Variants in AKR7A3 observed in about 807,000 individuals in gnomAD.
AKR7A3 encodes AFB1 aldehyde reductase 2.
AKR7A3 carries 37 observed loss-of-function variants against 32.5 expected under a neutral mutation model. The ratio of observed to expected loss-of-function variants is 1.14; its 90% CI spans 0.88 to 1.50. The LOEUF (loss-of-function observed/expected upper bound fraction) is 1.50. AKR7A3 is among the 40% of genes most tolerant of loss of function. The pLI, the probability that AKR7A3 is intolerant of heterozygous loss-of-function variation, is 0.00. For missense variants in AKR7A3, 412 were observed against 453.2 expected (o/e 0.91, Z 0.83); for synonymous variants, 177 against 188.4 (o/e 0.94, Z 0.50).
intron 6 of AKR7A3, 72 bp downstream of exon 6, chr1:19,283,924 T>C: frequency 6.2e-7 from 1 of 1,600,372 alleles, no homozygotes; most frequent in Non-Finnish European, 8.5e-7. Flanking sequence ...AACAAATGTT[T>C]CAGCCTTCAT....
chr1:19,274,926 C>T, the AKR7A3 span, among the ~76,000 whole-genome samples: 1 of 29,314 alleles, frequency 3.4e-5, no homozygotes, highest in Non-Finnish European at 7.4e-5. Flanking sequence ...GACCAATAGA[C>T]AGATGGAACA....
chr1:19,274,353 C>A, the AKR7A3 span, among the ~76,000 whole-genome samples: 2 of 151,856 alleles, frequency 1.3e-5, no homozygotes, highest in Admixed American at 6.5e-5. Context: ...TCCTCAAGTC[C>A]GCAAGGGTGA....
intron 5 of AKR7A3, 50 bp from the exon 6 acceptor site, chr1:19,284,175 C>G: frequency 6.4e-7 from 1 of 1,571,656 alleles, no homozygotes; most frequent in East Asian, 2.2e-5. Flanking sequence ...TTGGGAGCCA[C>G]AACCAAAGAG....
the AKR7A3 span, among the ~76,000 whole-genome samples, chr1:19,274,436 C>A: frequency 6.6e-6 from 1 of 151,866 alleles, no homozygotes; most frequent in Non-Finnish European, 1.5e-5. Flanking sequence ...ATCCCTCGGC[C>A]TCGCCCGCCC....
downstream of AKR7A3, among the ~76,000 whole-genome samples, chr1:19,280,668 T>G (rs2093717413): frequency 6.6e-6 from 1 of 151,590 alleles, no homozygotes. Flanking sequence ...CCTCCTGGGT[T>G]CACACCATTC....
At chr1:19,288,420 G>A in intron 1 of AKR7A3, 76 bp downstream of exon 1, 1 of 1,517,284 alleles carries the variant, frequency 6.6e-7, no homozygotes. Context: ...CGGGGCCAGG[G>A]AGAGCGGGGC....
downstream of AKR7A3, among the ~76,000 whole-genome samples, chr1:19,280,317 C>T (rs1391473753): frequency 1.3e-5 from 2 of 151,400 alleles, no homozygotes; most frequent in Admixed American, 6.6e-5. Context: ...AATTTTGGCT[C>T]GCTGCAACCT....
rs1404174359 is a variant in AKR7A3, at chr1:19,285,973, C to A, written c.422G>T (p.Gly141Val). 3.1e-6 allele frequency: 5 copies of A among 1,613,558 alleles called. No homozygotes were observed. Among genetic ancestry groups the A allele is most frequent in the Non-Finnish European group, 1.7e-6 (2 of 1,179,936 alleles). ...LHQEGKFVEL[G>V]LSNYAAWEVA... is the part of the protein sequence containing the mutation. ...TTCCCAGGCTGCATAGTTGGAGAGG[C>A]CAAGCTCCACGAACTTGCCCTGCTC... The change falls in exon 3 of 7, where the codon GGC becomes GTC. Residue 141 changes from glycine (G) to valine (V), a missense_variant. Coordinates refer to ENST00000361640, the MANE Select transcript of AKR7A3 (RefSeq NM_012067.3).
At chr1:19,286,802 G>C (rs1309699940) in intron 1 of AKR7A3, among the ~76,000 whole-genome samples, 1 of 151,846 alleles carries the variant, frequency 6.6e-6, no homozygotes. Context: ...AGGCTGGCAG[G>C]AGGGCAGTCA....
chr1:19,284,259 C>T, intron 5 of AKR7A3, 134 bp from the exon 6 acceptor site: 5 of 1,300,826 alleles, frequency 3.8e-6, no homozygotes, highest in Non-Finnish European at 5.2e-6. Flanking sequence ...CATGGGTCTC[C>T]CACTTTGCTG....
In AKR7A3 at chr1:19,282,805, C is replaced by G; in HGVS notation, c.922G>C (p.Glu308Gln). ...TTAAAGGCGTCCACGACAGCCGGCT[C>G]CAGGGGCCCTTCCTCTGCCGCTGCC... ...NLAAAEEGPL[E>Q]PAVVDAFNQA... is the part of the protein sequence containing the mutation. The change falls in exon 7 of 7, where the codon GAG becomes CAG. Residue 308 changes from glutamate to glutamine, a missense_variant. Glu to Gln is a conservative substitution (Grantham distance 29, BLOSUM62 2). Coordinates refer to ENST00000361640, the MANE Select transcript of AKR7A3 (RefSeq NM_012067.3). 6.2e-7 allele frequency: 1 copy of G among 1,613,460 alleles called. No homozygotes were observed. Among genetic ancestry groups the G allele is most frequent in the South Asian group, 1.1e-5 (1 of 91,052 alleles).
At chr1:19,287,603 A>T (rs28439369) in intron 1 of AKR7A3, among the ~76,000 whole-genome samples, 1 of 151,876 alleles carries the variant, frequency 6.6e-6, no homozygotes, top group Non-Finnish European at 1.5e-5. Flanking sequence ...TCCTGCCCCT[A>T]TACACACATC....
downstream of AKR7A3, among the ~76,000 whole-genome samples, chr1:19,277,585 G>C (rs1251999065): frequency 6.6e-6 from 1 of 151,604 alleles, no homozygotes. Flanking sequence ...GCAGTGGTGC[G>C]ATCTCGGCTC....
At chr1:19,279,986 A>G (rs1408066512), downstream of AKR7A3, among the ~76,000 whole-genome samples, 2 of 145,658 alleles carry the variant, frequency 1.4e-5, no homozygotes, top group Non-Finnish European at 3.0e-5. Flanking sequence ...GTGCGGCCCA[A>G]GACAATTCTT....
chr1:19,288,099 A>G (rs1404998320), intron 1 of AKR7A3, among the ~76,000 whole-genome samples: 1 of 152,222 alleles, frequency 6.6e-6, no homozygotes, highest in Non-Finnish European at 1.5e-5. Flanking sequence ...CGGTAAGAAC[A>G]GAATTTCTGC....
At chr1:19,279,117 C>A (rs1256055202), downstream of AKR7A3, among the ~76,000 whole-genome samples, 1 of 151,800 alleles carries the variant, frequency 6.6e-6, no homozygotes, top group Admixed American at 6.6e-5. Context: ...TGCCACAGAA[C>A]CCAGCTAATT....
At chr1:19,274,313 C>G in the AKR7A3 span, 2 of 679,478 alleles carry the variant, frequency 2.9e-6, no homozygotes, top group East Asian at 3.4e-5. Flanking sequence ...GGCTTCGTAC[C>G]GGTGACTCGC....
chr1:19,287,904 C>G (rs1453588828), intron 1 of AKR7A3, among the ~76,000 whole-genome samples: 1 of 152,178 alleles, frequency 6.6e-6, no homozygotes, highest in Non-Finnish European at 1.5e-5. Flanking sequence ...ACCCCAATCC[C>G]TCATCCCCCT....
chr1:19,283,669 C>T (rs1287333995), intron 6 of AKR7A3, among the ~76,000 whole-genome samples: 1 of 151,740 alleles, frequency 6.6e-6, no homozygotes, highest in Non-Finnish European at 1.5e-5. Context: ...GTCTCTACTA[C>T]AAATACAAAC....
Sources: allele counts gnomAD v4.1 joint callset (sites outside exome capture counted in the v4.1 genomes callset), GRCh38; gene constraint gnomAD v4.1.1; transcripts MANE v1.5; gene names NCBI Gene and HGNC (gene_info 2026-07-23, HGNC 2026-07-21).